The following MAST2 variants were observed in gnomAD, a reference collection of about 807,000 sequenced individuals.
MAST2 encodes microtubule associated serine/threonine kinase 2, also known as microtubule-associated serine/threonine-protein kinase 2.
In MAST2, 70 loss-of-function variants were observed where a neutral mutation model predicts 147.4. That is an observed-to-expected ratio of 0.47 (90% CI 0.39 to 0.58). The LOEUF is 0.58. Among genes scored for constraint, MAST2 ranks in the 20% least tolerant of loss-of-function variants. The pLI is 0.00. For missense variants in MAST2, 2,080 were observed against 2,302.3 expected, an observed-to-expected ratio of 0.90 and a Z score of 1.98; for synonymous variants, 869 against 896.8, an observed-to-expected ratio of 0.97 and a Z score of 0.55.
chr1:45,884,291 T>G (rs1047134216), intron 4 of MAST2, among the ~76,000 whole-genome samples: 1 of 152,118 alleles, frequency 6.6e-6, no homozygotes, highest in Non-Finnish European at 1.5e-5. Flanking sequence ...CTCACACCTA[T>G]AGTCCCAGCA....
intron 1 of MAST2, among the ~76,000 whole-genome samples, chr1:45,824,138 A>C (rs1644720619): frequency 6.6e-6 from 1 of 152,174 alleles, no homozygotes; most frequent in Admixed American, 6.6e-5. Context: ...AACATAAATA[A>C]ACTTAACTAA....
chr1:45,809,590 C>T (rs1015726792), intron 1 of MAST2, among the ~76,000 whole-genome samples: 3 of 152,196 alleles, frequency 2.0e-5, no homozygotes, highest in Non-Finnish European at 4.4e-5. Flanking sequence ...CAAGGTTGTA[C>T]CACTGCACTC....
Position 45,958,517 on chromosome 1 carries a change from CCT to C in MAST2, c.501-855_501-854del, listed in dbSNP as rs58533086. On this transcript the variant is annotated intron_variant, in intron 4 of 28. Transcript: ENST00000361297. ...CTCCTTTTCTCCCTCTCCCTCCCTC[CCT>C]CTCTCTCTCTCTCCCTCTATCCCCC... is the stretch of plus-strand genomic sequence containing the variant. Among the ~76,000 whole-genome samples, 1,079 of 149,216 alleles carry C rather than the reference CCT, an allele frequency of 7.2e-3. 16 individuals are homozygous for C. The highest frequency in any genetic ancestry group is 0.025 in the African/African-American group (1,008 of 40,772).
At chr1:45,847,073 TA>T in intron 3 of MAST2, 1 of 452,214 alleles carries the variant, frequency 2.2e-6, no homozygotes, top group Non-Finnish European at 4.5e-6. Context: ...GGTCTGTAGT[TA>T]TAATAGTTTT....
At chr1:45,809,646 A>C (rs1321336106) in intron 1 of MAST2, among the ~76,000 whole-genome samples, 1 of 151,902 alleles carries the variant, frequency 6.6e-6, no homozygotes, top group Non-Finnish European at 1.5e-5. Context: ...AGAAAGCAAA[A>C]AACAAACAAA....
At chr1:45,992,648 GA>G (rs1007578332) in intron 5 of MAST2, among the ~76,000 whole-genome samples, 2 of 152,090 alleles carry the variant, frequency 1.3e-5, no homozygotes, top group African/African-American at 2.4e-5. Context: ...ATTAATCAGT[GA>G]AACATCTGAA....
intron 3 of MAST2, among the ~76,000 whole-genome samples, chr1:45,850,167 A>T (rs1328905119): frequency 2.0e-5 from 3 of 151,936 alleles, no homozygotes; most frequent in Non-Finnish European, 2.9e-5. Flanking sequence ...ATGGTATCTC[A>T]TTGTGGTTTT....
chr1:45,889,296 C>T (rs964962002), intron 4 of MAST2, among the ~76,000 whole-genome samples: 2 of 151,930 alleles, frequency 1.3e-5, no homozygotes, highest in Non-Finnish European at 2.9e-5. Context: ...AGGTGGTACT[C>T]GCACCTCAGT....
Position 46,023,681 on chromosome 1 carries a change from A to G in MAST2, c.1572-91A>G. 1.7e-6 allele frequency: 2 copies of G among 1,167,398 alleles called. No homozygotes were observed. Among genetic ancestry groups the G allele is most frequent in the Non-Finnish European group, 2.5e-6 (2 of 807,760 alleles). 72.3% of individuals were successfully genotyped at this position (1,167,398 alleles called of 1,614,324 possible). A position where few individuals can be genotyped will look rare whatever the true frequency, so the allele number is the denominator to read the frequency against. ...CCTTGCCCCCTTGTTCTGTGCATTAATTAAGGTGTGAGAGAAGGCAGTTTG... is the reference window on the plus strand; with the variant it reads ...CCTTGCCCCCTTGTTCTGTGCATTAGTTAAGGTGTGAGAGAAGGCAGTTTG... On this transcript the variant is annotated intron_variant, in intron 14 of 28. Transcript: ENST00000361297. This position sits in a 1 kb window ranked among gnomAD's most constrained non-coding sequence, Gnocchi z 4.9.
At chr1:46,005,988 A>G (rs1389304565) in intron 7 of MAST2, among the ~76,000 whole-genome samples, 1 of 152,166 alleles carries the variant, frequency 6.6e-6, no homozygotes, top group Non-Finnish European at 1.5e-5. Context: ...CTAAAATTCC[A>G]TGAAGGTCTG....
At chr1:45,974,936 G>C (rs1644073351) in intron 5 of MAST2, among the ~76,000 whole-genome samples, 1 of 152,238 alleles carries the variant, frequency 6.6e-6, no homozygotes, top group African/African-American at 2.4e-5. Context: ...TTTCCCAAAG[G>C]TTTGTATGTG....
chr1:45,976,913 G>A (rs1644183183), intron 5 of MAST2, among the ~76,000 whole-genome samples: 1 of 152,120 alleles, frequency 6.6e-6, no homozygotes, highest in Admixed American at 6.5e-5. Context: ...GGAGGAAGAC[G>A]AACCCAGGAT....
intron 17 of MAST2, among the ~76,000 whole-genome samples, chr1:46,028,432 C>T (rs1002746679): frequency 6.6e-6 from 1 of 152,118 alleles, no homozygotes; most frequent in African/African-American, 2.4e-5. Flanking sequence ...GACTGTTCAC[C>T]GGTCCCTGTA....
chr1:45,971,307 G>A (rs1398123957), intron 5 of MAST2, among the ~76,000 whole-genome samples: 2 of 152,194 alleles, frequency 1.3e-5, no homozygotes, highest in African/African-American at 2.4e-5. Flanking sequence ...TCAGCCAGTG[G>A]TCAGGCCTAG....
At chr1:45,909,395 A>G (rs2148557174) in intron 4 of MAST2, among the ~76,000 whole-genome samples, 1 of 152,294 alleles carries the variant, frequency 6.6e-6, no homozygotes, top group East Asian at 1.9e-4. Flanking sequence ...TTAAACCTAT[A>G]AATTTTCCAT....
chr1:46,028,949 C>A lies in MAST2; in HGVS notation c.2218+16C>A. 6.5e-7 allele frequency: 1 copy of A among 1,540,574 alleles called. No individual in the cohort carries two copies. Among genetic ancestry groups the A allele is most frequent in the East Asian group, 2.3e-5 (1 of 43,814 alleles). ...GTGATCAGTGGTAGGTACTATGCCC[C>A]TGGCCCAGTGGGGAAACAGAGTCTG... On this transcript the variant is annotated intron_variant, in intron 18 of 28. Coordinates refer to ENST00000361297, the MANE Select transcript of MAST2 (RefSeq NM_015112.3).
rs148341094 is a variant in MAST2 at position 45,973,408 on chromosome 1, C to G, written c.592+13931C>G. Among the ~76,000 whole-genome samples the G allele has an allele frequency of 1.2e-3, 183 of 152,252 alleles. 3 individuals carry two copies. The East Asian group carries it at 0.025, about 21-fold the overall frequency. On this transcript the variant is annotated intron_variant, in intron 5 of 28. Transcript: ENST00000361297. ...TAGCTTGTGTCATCTAGAAACCCCA[C>G]CTTTGAAAAACAGTCATTTGATCCT...
intron 15 of MAST2, chr1:46,024,509 C>A: frequency 5.7e-6 from 1 of 175,286 alleles, no homozygotes; most frequent in Non-Finnish European, 1.2e-5. Context: ...TGTGTACAGC[C>A]TCCAAAGATA....
Position 45,997,772 on chromosome 1 carries a change from C to G in MAST2, c.641C>G (p.Ala214Gly). 3 of 1,614,162 alleles carry G rather than the reference C, an allele frequency of 1.9e-6. No individual in the cohort carries two copies. The highest frequency in any genetic ancestry group is 2.5e-6 in the Non-Finnish European group (3 of 1,179,988). The change falls in exon 6 of 29, where the codon GCT (alanine) becomes GGT (glycine). Residue 214 changes from alanine to glycine, a missense_variant. By Grantham distance (60) the Ala-to-Gly change is moderately conservative. Around this residue, in one of 4 missense-constraint regions of MAST2, gnomAD observed 569 missense variants for 642.5 expected, o/e 0.89. Coordinates refer to ENST00000361297, the MANE Select transcript of MAST2 (RefSeq NM_015112.3). ...SPRNFSPNAP[A>G]HFSFVPARRT... Reference sequence around the variant, plus strand: ...CGGAATTTCTCTCCAAATGCACCTGCTCACTTTTCTTTTGTTCCTGCCCGT... The same window carrying G: ...CGGAATTTCTCTCCAAATGCACCTGGTCACTTTTCTTTTGTTCCTGCCCGT...
Sources: gnomAD v4.1 joint callset for allele counts (sites outside exome capture counted in the v4.1 genomes callset) on GRCh38, gnomAD v4.1.1 for gene constraint, gnomAD v4.1.1 regional missense constraint, Gnocchi (gnomAD v3.1) non-coding constraint, MANE v1.5 for transcripts, NCBI Gene and HGNC (gene_info 2026-07-23, HGNC 2026-07-21) for gene names.